Variants in CDC27 observed in about 807,000 individuals in gnomAD.
CDC27 encodes the protein cell division cycle 27.
CDC27 carries 27 observed loss-of-function variants against 109.7 expected under a neutral mutation model. The ratio of observed to expected loss-of-function variants is 0.25; its 90% CI spans 0.18 to 0.34. The LOEUF is 0.34. CDC27 is among the 10% of genes least tolerant of loss of function. CDC27 has a pLI of 1.00. For missense variants in CDC27, 579 were observed against 960.2 expected (o/e 0.60, Z 5.25); for synonymous variants, 266 against 333.9 (o/e 0.80, Z 2.22).
Position 47,155,268 on chromosome 17 carries a change from CAG to C in CDC27, c.843-484_843-483del, listed in dbSNP as rs576417957. ...CATATATGTATATATTTTTTTGAGA[CAG>C]AGTCTCGCTCTGTTGCCCAGGCTGG... On this transcript the variant is annotated intron_variant, in intron 7 of 18. Coordinates refer to ENST00000066544, the MANE Select transcript of CDC27 (RefSeq NM_001256.6). Among the ~76,000 whole-genome samples, 318 of 152,256 alleles carry C rather than the reference CAG, an allele frequency of 2.1e-3. 4 individuals are homozygous for C. Among genetic ancestry groups the C allele is most frequent in the African/African-American group, 7.2e-3 (297 of 41,534 alleles).
Position 47,184,968 on chromosome 17 carries a change from C to T in CDC27, c.28-3331G>A, listed in dbSNP as rs13341533. On this transcript the variant is annotated intron_variant, in intron 1 of 18. Coordinates refer to ENST00000066544, the MANE Select transcript of CDC27 (RefSeq NM_001256.6). ...AAAGTTATGAAGCCAAAAAGAACAA[C>T]GCTCCTCTCCCTCTCCCCTAAAAAA... Among the ~76,000 whole-genome samples, 1,220 of 152,206 alleles carry T rather than the reference C, an allele frequency of 8.0e-3. 19 individuals carry two copies. The highest frequency in any genetic ancestry group is 0.028 in the African/African-American group (1,149 of 41,530).
chr17:47,172,455 G>A (rs1208320580), intron 2 of CDC27, among the ~76,000 whole-genome samples: 1 of 151,928 alleles, frequency 6.6e-6, no homozygotes, highest in African/African-American at 2.4e-5. Flanking sequence ...ATTAGCAAGA[G>A]AAACCTGAGT....
chr17:47,168,793 T>C (rs559891891), intron 4 of CDC27, among the ~76,000 whole-genome samples: 1 of 152,156 alleles, frequency 6.6e-6, no homozygotes, highest in African/African-American at 2.4e-5. Context: ...TGTATTCTGT[T>C]CAGAAATACA....
intron 2 of CDC27, among the ~76,000 whole-genome samples, chr17:47,174,947 C>T (rs78505871): frequency 0.031 from 4,675 of 149,942 alleles, 270 homozygotes; most frequent in East Asian, 0.29. Context: ...CAGCGAAACT[C>T]GGTCGAAACA....
chr17:47,139,382 T>A (rs1486970889), intron 12 of CDC27, among the ~76,000 whole-genome samples: 1 of 150,952 alleles, frequency 6.6e-6, no homozygotes, highest in Non-Finnish European at 1.5e-5. Flanking sequence ...TTCTCCTGCC[T>A]CAGCCTCCCA....
intron 13 of CDC27, among the ~76,000 whole-genome samples, chr17:47,138,296 A>G (rs921400680): frequency 1.1e-4 from 17 of 152,234 alleles, no homozygotes; most frequent in African/African-American, 4.1e-4. Flanking sequence ...TTTAATTCTA[A>G]GCTTAGATAT....
intron 9 of CDC27, among the ~76,000 whole-genome samples, chr17:47,145,175 TG>T (rs2062917633): frequency 6.6e-6 from 1 of 152,214 alleles, no homozygotes; most frequent in African/African-American, 2.4e-5. Flanking sequence ...TTTCAGACAC[TG>T]GACAATAGGC....
Position 47,157,301 on chromosome 17 carries a change from G to T in CDC27, c.559C>A (p.Gln187Lys). 1 of 1,612,560 alleles carries T rather than the reference G, an allele frequency of 6.2e-7. No homozygotes were observed. The highest frequency in any genetic ancestry group is 8.5e-7 in the Non-Finnish European group (1 of 1,178,894). ...SNCLPNSCTTQVPNHSLSHRQ... is the reference protein window; with the variant it reads ...SNCLPNSCTTKVPNHSLSHRQ... ...TGAGATAAACTATGATTAGGTACTT[G>T]TGTTGTGCAAGAGTTGGGCAGACAG... is the stretch of plus-strand genomic sequence containing the variant. The change falls in exon 6 of 19, where the codon CAA becomes AAA. Residue 187 changes from glutamine (Q) to lysine (K), a missense_variant. Physicochemically the swap from Gln to Lys is moderately conservative, Grantham distance 53 (BLOSUM62 1). Transcript: ENST00000066544.
chr17:47,156,341 T>C (rs1375390647), intron 7 of CDC27, among the ~76,000 whole-genome samples: 2 of 152,076 alleles, frequency 1.3e-5, no homozygotes, highest in East Asian at 1.9e-4. Context: ...GGTTTCGCCA[T>C]GTTGGCCAGG....
Position 47,189,266 on chromosome 17 carries a change from A to C in CDC27, c.-94T>G. 1.0e-6 allele frequency: 1 copy of C among 971,030 alleles called. No homozygotes were observed. Among genetic ancestry groups the C allele is most frequent in the Non-Finnish European group, 1.7e-6 (1 of 605,772 alleles). The allele number at this position is 971,030 out of a possible 1,614,324, so 60.2% of individuals were successfully genotyped here. A position where few individuals can be genotyped will look rare whatever the true frequency, so the allele number is the denominator to read the frequency against. ...CCCTGCTCATTTAAACTCACCAGCG[A>C]CCGTTACCGGGGGATGGGGGAGGCC... is the stretch of plus-strand genomic sequence containing the variant. On this transcript the variant is annotated 5_prime_UTR_variant, in exon 1 of 19. Coordinates refer to ENST00000066544, the MANE Select transcript of CDC27 (RefSeq NM_001256.6).
In CDC27 at chr17:47,129,541, TG is replaced by T; in HGVS notation, c.2032-21del. 1 of 1,555,658 alleles carries T rather than the reference TG, an allele frequency of 6.4e-7. No homozygotes were observed. Among genetic ancestry groups the T allele is most frequent in the South Asian group, 1.2e-5 (1 of 86,024 alleles). On this transcript the variant is annotated intron_variant, in intron 15 of 18. Coordinates refer to ENST00000066544, the MANE Select transcript of CDC27 (RefSeq NM_001256.6). ...TTGAACCTGTAAGAAATAAAGATCATGTTAATACTCCCTCTTGATATTTATG... is the reference window on the plus strand; with the variant it reads ...TTGAACCTGTAAGAAATAAAGATCATTTAATACTCCCTCTTGATATTTATG...
chr17:47,122,336 G>T (rs1176537492), intron 18 of CDC27, 108 bp downstream of exon 18: 2 of 715,090 alleles, frequency 2.8e-6, no homozygotes, highest in Non-Finnish European at 4.3e-6. Context: ...AGTCCATTTG[G>T]TATAATGAAA....
At chr17:47,134,782 T>A (rs2062522079) in intron 14 of CDC27, among the ~76,000 whole-genome samples, 2 of 149,990 alleles carry the variant, frequency 1.3e-5, no homozygotes. Context: ...CCTTAATTGT[T>A]TTCTTTTTTT....
At chr17:47,165,379 G>A (rs1421539620) in intron 4 of CDC27, among the ~76,000 whole-genome samples, 2 of 152,144 alleles carry the variant, frequency 1.3e-5, no homozygotes, top group Non-Finnish European at 2.9e-5. Context: ...TTTATTTTTA[G>A]CCATTGTATC....
chr17:47,149,499 GACTCTGTCTTAAAAAA>G (rs1019743216), intron 9 of CDC27, among the ~76,000 whole-genome samples: 2 of 118,244 alleles, frequency 1.7e-5, no homozygotes, highest in African/African-American at 3.3e-5. Context: ...GACAGAGTGA[GACTCTGTCTTAAAAAA>G]AAAAAAAAAA....
intron 3 of CDC27, 31 bp downstream of exon 3, chr17:47,171,882 AAAAC>A: frequency 6.6e-7 from 1 of 1,512,430 alleles, no homozygotes; most frequent in Non-Finnish European, 9.0e-7. Flanking sequence ...CAGTGTAAGT[AAAAC>A]AAAATAGCTA....
intron 10 of CDC27, 78 bp downstream of exon 10, chr17:47,143,805 G>T (rs2062869750): frequency 8.9e-6 from 5 of 562,004 alleles, no homozygotes; most frequent in South Asian, 5.3e-5. Flanking sequence ...AACTTATTAG[G>T]AATGGAGTCA....
intron 4 of CDC27, 83 bp from the exon 5 acceptor site, chr17:47,158,386 A>G (rs2063385331): frequency 3.7e-6 from 2 of 539,916 alleles, no homozygotes; most frequent in South Asian, 5.8e-5. Flanking sequence ...AATTAGGTAA[A>G]AGTTACAGAA....
At position 47,120,105 on chromosome 17, in the gene CDC27, G is replaced by T. The variant is rs1019233637; in HGVS notation, c.*830C>A. 1 of 152,114 alleles carries T rather than the reference G, an allele frequency of 6.6e-6. No homozygotes were observed. The highest frequency in any genetic ancestry group is 1.5e-5 in the Non-Finnish European group (1 of 68,004). 9.4% of individuals were successfully genotyped at this position (152,114 alleles called of 1,614,324 possible). A position where few individuals can be genotyped will look rare whatever the true frequency, so the allele number is the denominator to read the frequency against. On this transcript the variant is annotated 3_prime_UTR_variant, in exon 19 of 19. Transcript: ENST00000066544. Reference sequence around the variant, plus strand: ...CTGATTCATATGGTGAACTTAAGGGGTTATTAAGGGCCTTGTTTTGGCTTC... The same window carrying T: ...CTGATTCATATGGTGAACTTAAGGGTTTATTAAGGGCCTTGTTTTGGCTTC...
Sources: gnomAD v4.1 joint callset for allele counts (sites outside exome capture counted in the v4.1 genomes callset) on GRCh38, gnomAD v4.1.1 for gene constraint, MANE v1.5 for transcripts, NCBI Gene and HGNC (gene_info 2026-07-23, HGNC 2026-07-21) for gene names.